Variants in MACROD2 observed in about 807,000 individuals in gnomAD.
MACROD2 encodes the protein ADP-ribose glycohydrolase MACROD2.
Under a neutral mutation model 70.4 loss-of-function variants are expected in MACROD2, and 36 were observed. The ratio of observed to expected loss-of-function variants is 0.51; its 90% CI spans 0.39 to 0.68. MACROD2 has a LOEUF of 0.68. Among genes scored for constraint, MACROD2 ranks in the 30% least tolerant of loss-of-function variants. MACROD2 has a pLI of 0.00. For missense variants in MACROD2, 496 were observed against 538.4 expected (o/e 0.92, Z 0.78); for synonymous variants, 172 against 178.8 (o/e 0.96, Z 0.30).
intron 5 of MACROD2, among the ~76,000 whole-genome samples, chr20:15,185,902 A>T (rs1002519905): frequency 3.3e-5 from 5 of 152,274 alleles, no homozygotes; most frequent in East Asian, 3.9e-4. Context: ...TTGGGGGAGA[A>T]AACGTTTAGG....
intron 8 of MACROD2, among the ~76,000 whole-genome samples, chr20:15,512,631 C>T (rs1309521810): frequency 1.3e-5 from 2 of 152,068 alleles, no homozygotes; most frequent in African/African-American, 4.8e-5. Flanking sequence ...TTAAGCATAG[C>T]GGCAAGAGAT....
At chr20:14,074,829 T>C (rs1479997828) in intron 2 of MACROD2, among the ~76,000 whole-genome samples, 1 of 152,186 alleles carries the variant, frequency 6.6e-6, no homozygotes, top group East Asian at 1.9e-4. Context: ...AAATATTAGG[T>C]AGAAAATTCC....
In MACROD2 at chr20:14,915,657, G is replaced by A. The variant is rs572205071; in HGVS notation, c.418+230698G>A. 5.9e-5 allele frequency among the ~76,000 whole-genome samples: 9 copies of A among 152,272 alleles called. No individual in the cohort carries two copies. The South Asian group carries it at 8.3e-4, about 14-fold the overall frequency. ...CCGCCCAGTGCCAAGGGTAACTACT[G>A]GCACCTGCACTGACAGCAAGCAGTC... On this transcript the variant is annotated intron_variant, in intron 5 of 17. Coordinates refer to ENST00000684519, the MANE Select transcript of MACROD2 (RefSeq NM_001351661.2).
At chr20:14,481,994 G>A (rs2084668959) in intron 3 of MACROD2, among the ~76,000 whole-genome samples, 2 of 152,168 alleles carry the variant, frequency 1.3e-5, no homozygotes, top group South Asian at 4.1e-4. Flanking sequence ...ACTAAAGTAT[G>A]TATCAGCTGG....
intron 5 of MACROD2, among the ~76,000 whole-genome samples, chr20:14,986,027 T>C (rs2074845880): frequency 6.6e-6 from 1 of 152,152 alleles, no homozygotes; most frequent in Non-Finnish European, 1.5e-5. Context: ...AGTCTGAAGA[T>C]TGAAAATAAC....
chr20:15,914,947 T>TGCTACCA (rs145520037), intron 10 of MACROD2, among the ~76,000 whole-genome samples: 129,072 of 152,034 alleles, frequency 0.85, 55,954 homozygotes, highest in Non-Finnish European at 0.95. Context: ...TTACAAAGGA[T>TGCTACCA]GTTGGAAAGG....
intron 3 of MACROD2, among the ~76,000 whole-genome samples, chr20:14,289,214 T>G (rs1027225559): frequency 6.6e-6 from 1 of 152,206 alleles, no homozygotes; most frequent in African/African-American, 2.4e-5. Context: ...TCCCTGTGCT[T>G]GTGGATTCAT....
intron 8 of MACROD2, among the ~76,000 whole-genome samples, chr20:15,831,877 G>T (rs2064060099): frequency 6.6e-6 from 1 of 152,098 alleles, no homozygotes; most frequent in African/African-American, 2.4e-5. Flanking sequence ...CCATCTTCAG[G>T]TGACCTATTC....
intron 3 of MACROD2, among the ~76,000 whole-genome samples, chr20:14,119,974 C>T (rs1383842222): frequency 1.3e-5 from 2 of 151,764 alleles, no homozygotes; most frequent in Non-Finnish European, 2.9e-5. Flanking sequence ...TTTGGGAGTC[C>T]GAGGTGGGTG....
intron 8 of MACROD2, among the ~76,000 whole-genome samples, chr20:15,814,991 G>T (rs569272673): frequency 5.9e-5 from 9 of 152,252 alleles, no homozygotes; most frequent in African/African-American, 1.9e-4. Flanking sequence ...GCAACCATCT[G>T]GTTGAAATCC....
At chr20:14,262,297 T>C (rs2082107611) in intron 3 of MACROD2, among the ~76,000 whole-genome samples, 1 of 152,230 alleles carries the variant, frequency 6.6e-6, no homozygotes, top group East Asian at 1.9e-4. Context: ...AATGACCTAA[T>C]TGGGAAGGTG....
chr20:15,571,654 A>G (rs1225561374), intron 8 of MACROD2, among the ~76,000 whole-genome samples: 1 of 152,094 alleles, frequency 6.6e-6, no homozygotes, highest in Non-Finnish European at 1.5e-5. Flanking sequence ...TTTGTTTGAG[A>G]GGGCCCCAAA....
chr20:15,506,577 G>A (rs1249668887), intron 8 of MACROD2, among the ~76,000 whole-genome samples: 2 of 152,132 alleles, frequency 1.3e-5, no homozygotes, highest in Middle Eastern at 3.4e-3. Context: ...TCACGTTATG[G>A]ATCACCGAAA....
chr20:15,116,007 GA>G lies in MACROD2; in HGVS notation c.419-113931del, dbSNP rs2075989251. Among the ~76,000 whole-genome samples the G allele has an allele frequency of 2.0e-5, 3 of 152,212 alleles. No individual in the cohort carries two copies. In the South Asian group the frequency reaches 6.2e-4, roughly 32 times the overall value. On this transcript the variant is annotated intron_variant, in intron 5 of 17. Coordinates refer to ENST00000684519, the MANE Select transcript of MACROD2 (RefSeq NM_001351661.2). ...AACTCTAGAATAAAATTAAAAATAAGAATTGAAAAGTAGAGAGAAGTACAAT... is the reference window on the plus strand; with the variant it reads ...AACTCTAGAATAAAATTAAAAATAAGATTGAAAAGTAGAGAGAAGTACAAT...
At chr20:16,017,380 T>C (rs2066943594) in intron 15 of MACROD2, among the ~76,000 whole-genome samples, 1 of 152,230 alleles carries the variant, frequency 6.6e-6, no homozygotes, top group Non-Finnish European at 1.5e-5. Flanking sequence ...ACACAGTATA[T>C]GATTGCAGAA....
intron 8 of MACROD2, among the ~76,000 whole-genome samples, chr20:15,664,475 C>T (rs1011495636): frequency 3.9e-5 from 6 of 152,122 alleles, no homozygotes; most frequent in Admixed American, 1.3e-4. Flanking sequence ...GCTATTTTTG[C>T]GTAACACCCC....
chr20:14,853,173 C>CTGTGTG lies in MACROD2; in HGVS notation c.418+168236_418+168241dup, dbSNP rs147348353. Among the ~76,000 whole-genome samples the CTGTGTG allele has an allele frequency of 3.2e-3, 477 of 149,342 alleles. 4 individuals are homozygous for CTGTGTG. Among genetic ancestry groups the CTGTGTG allele is most frequent in the Non-Finnish European group, 2.8e-3 (186 of 67,408 alleles). On this transcript the variant is annotated intron_variant, in intron 5 of 17. Coordinates refer to ENST00000684519, the MANE Select transcript of MACROD2 (RefSeq NM_001351661.2). ...GTGTGAACAGTGTGTGTGTGTGTGT[C>CTGTGTG]TGTGTGTGTGTGTGTGTGTGTGTGT...
chr20:14,276,452 G>A (rs2082257449), intron 3 of MACROD2, among the ~76,000 whole-genome samples: 1 of 120,778 alleles, frequency 8.3e-6, no homozygotes, highest in Non-Finnish European at 1.6e-5. Flanking sequence ...ACAGGAAGGG[G>A]AACATCACAC....
chr20:14,621,222 T>A (rs549366118), intron 4 of MACROD2, among the ~76,000 whole-genome samples: 1 of 152,248 alleles, frequency 6.6e-6, no homozygotes, highest in South Asian at 2.1e-4. Context: ...AATTGTTAGG[T>A]GCTATTATTA....
Sources: gnomAD v4.1 joint callset for allele counts (sites outside exome capture counted in the v4.1 genomes callset) on GRCh38, gnomAD v4.1.1 for gene constraint, MANE v1.5 for transcripts, NCBI Gene and HGNC (gene_info 2026-07-23, HGNC 2026-07-21) for gene names.